Variants in EFHD2 observed in about 807,000 individuals in gnomAD.
The protein encoded by EFHD2 is EF-hand domain family member D2.
In EFHD2, 12 loss-of-function variants were observed where a neutral mutation model predicts 20.3. The observed-to-expected ratio is 0.59, with a 90% CI of 0.38 to 0.96. The LOEUF (loss-of-function observed/expected upper bound fraction) is 0.96. Among genes scored for constraint, EFHD2 ranks in the 40% least tolerant of loss-of-function variants. EFHD2 has a pLI of 0.00. For synonymous variants in EFHD2, 131 were observed against 143.9 expected (o/e 0.91, Z 0.64); for missense variants, 250 against 334.3 (o/e 0.75, Z 1.97).
rs1222266531 is a variant in EFHD2 at position 15,410,214 on chromosome 1, C to A, written c.243C>A (p.Asn81Lys). 1.2e-6 allele frequency: 2 copies of A among 1,607,110 alleles called. No homozygotes were observed. Among genetic ancestry groups the A allele is most frequent in the East Asian group, 2.3e-5 (1 of 44,062 alleles). The change falls in exon 1 of 4, where the codon AAC (asparagine) becomes AAA (lysine). Residue 81 changes from asparagine (N) to lysine (K), a missense_variant. Around this residue, in one of 3 missense-constraint regions of EFHD2, gnomAD observed 143 missense variants for 190.6 expected, o/e 0.75. Transcript: ENST00000375980. ...EPQSPSRRVF[N>K]PYTEFKEFSR... The stretch of plus-strand genomic sequence containing the variant: ...AGTCGCCCAGCCGCCGCGTCTTCAA[C>A]CCCTACACCGAGTTCAAGGAGTTCT...
At chr1:15,417,994 T>C (rs1335039887) in intron 1 of EFHD2, among the ~76,000 whole-genome samples, 1 of 141,696 alleles carries the variant, frequency 7.1e-6, no homozygotes. Flanking sequence ...TTTTTTTTTT[T>C]TTTTTTTTTT....
chr1:15,415,345 T>A (rs1466832444), intron 1 of EFHD2, among the ~76,000 whole-genome samples: 2 of 152,172 alleles, frequency 1.3e-5, no homozygotes, highest in African/African-American at 4.8e-5. Flanking sequence ...GTTCTCTTTG[T>A]AGCCAGCCCC....
At chr1:15,410,307 G>T (rs771204545) in intron 1 of EFHD2, 28 bp downstream of exon 1, 1 of 1,308,036 alleles carries the variant, frequency 7.6e-7, no homozygotes, top group Non-Finnish European at 1.0e-6. Context: ...CCGGCCCCCC[G>T]CCCGCCCCGC....
rs138950691 is a variant in EFHD2, at chr1:15,416,385, G to T, written c.308+6106G>T. Among the ~76,000 whole-genome samples the T allele has an allele frequency of 1.4e-4, 21 of 152,284 alleles. 1 individual carries two copies. The highest frequency in any genetic ancestry group is 5.1e-4 in the African/African-American group (21 of 41,568). On this transcript the variant is annotated intron_variant, in intron 1 of 3. Coordinates refer to ENST00000375980, the MANE Select transcript of EFHD2 (RefSeq NM_024329.6). ...TCAGCAGGGAAGGTCCCCACACCCT[G>T]GAGCAGCTGAGTTCCCCTGACTGCC...
chr1:15,416,394 G>T (rs1707671025), intron 1 of EFHD2, among the ~76,000 whole-genome samples: 1 of 152,210 alleles, frequency 6.6e-6, no homozygotes, highest in South Asian at 2.1e-4. Flanking sequence ...TGGAGCAGCT[G>T]AGTTCCCCTG....
chr1:15,426,661 G>A lies in EFHD2; in HGVS notation c.457-489G>A, dbSNP rs570993808. On this transcript the variant is annotated intron_variant, in intron 2 of 3. Transcript: ENST00000375980. This position sits in a 1 kb window ranked among gnomAD's most constrained non-coding sequence, Gnocchi z 4.6. ...GTGGCAGGGGCAGGTGGGGGAGTGCGAGTGGCTGGGCGGGAGGTGTGGGCA... is the reference window on the plus strand; with the variant it reads ...GTGGCAGGGGCAGGTGGGGGAGTGCAAGTGGCTGGGCGGGAGGTGTGGGCA... 1.3e-5 allele frequency among the ~76,000 whole-genome samples: 2 copies of A among 152,240 alleles called. No individual in the cohort carries two copies. The highest frequency in any genetic ancestry group is 2.4e-5 in the African/African-American group (1 of 41,532).
intron 1 of EFHD2, among the ~76,000 whole-genome samples, chr1:15,411,648 C>A (rs761255087): frequency 6.6e-6 from 1 of 152,146 alleles, no homozygotes; most frequent in Non-Finnish European, 1.5e-5. Context: ...TGGAGTGGTT[C>A]TGGAAGGGGA....
rs983992445 is a variant in EFHD2 at position 15,429,281 on chromosome 1, T to C, written c.*557T>C. The C allele has an allele frequency of 2.6e-5, 4 of 155,446 alleles. No homozygotes were observed. The highest frequency in any genetic ancestry group is 9.6e-5 in the African/African-American group (4 of 41,474). 9.6% of individuals were successfully genotyped at this position (155,446 alleles called of 1,614,324 possible). A position where few individuals can be genotyped will look rare whatever the true frequency, so the allele number is the denominator to read the frequency against. On this transcript the variant is annotated 3_prime_UTR_variant, in exon 4 of 4. Coordinates refer to ENST00000375980, the MANE Select transcript of EFHD2 (RefSeq NM_024329.6). ...CCCCAGGGCCTTTTCCTCCTCTGCGTCTTCCATCTACTGAAATGGGAGAGG... is the reference window on the plus strand; with the variant it reads ...CCCCAGGGCCTTTTCCTCCTCTGCGCCTTCCATCTACTGAAATGGGAGAGG...
rs149860156 is a variant in EFHD2, at chr1:15,425,640, C to T, written c.309-231C>T. On this transcript the variant is annotated intron_variant, in intron 1 of 3. Coordinates refer to ENST00000375980, the MANE Select transcript of EFHD2 (RefSeq NM_024329.6). Reference sequence around the variant, plus strand: ...GGCTTGTCCAAAAGTTAGCGCTATTCGACATGCAGGAGGCTGCCAGGCCCT... The same window carrying T: ...GGCTTGTCCAAAAGTTAGCGCTATTTGACATGCAGGAGGCTGCCAGGCCCT... Among the ~76,000 whole-genome samples the T allele has an allele frequency of 6.4e-4, 97 of 152,202 alleles. No homozygotes were observed. In the South Asian group the frequency reaches 0.019, roughly 29 times the overall value.
intron 1 of EFHD2, among the ~76,000 whole-genome samples, chr1:15,416,110 CCT>C (rs1707664607): frequency 6.6e-6 from 1 of 152,168 alleles, no homozygotes. Context: ...TATGCATCAG[CCT>C]CTGAGTCACC....
At position 15,426,660 on chromosome 1, in the gene EFHD2, C is replaced by T. The variant is rs370368233; in HGVS notation, c.457-490C>T. 9.2e-5 allele frequency among the ~76,000 whole-genome samples: 14 copies of T among 152,002 alleles called. No individual in the cohort carries two copies. The highest frequency in any genetic ancestry group is 1.9e-4 in the African/African-American group (8 of 41,424). On this transcript the variant is annotated intron_variant, in intron 2 of 3. Transcript: ENST00000375980. The surrounding 1 kb of genome is among the most constrained non-coding windows in gnomAD (Gnocchi z 4.6). ...GGTGGCAGGGGCAGGTGGGGGAGTG[C>T]GAGTGGCTGGGCGGGAGGTGTGGGC...
rs1016782395 is a variant in EFHD2, at chr1:15,426,651, G to T, written c.457-499G>T. ...AAGGAGAGAGGTGGCAGGGGCAGGT[G>T]GGGGAGTGCGAGTGGCTGGGCGGGA... On this transcript the variant is annotated intron_variant, in intron 2 of 3. Coordinates refer to ENST00000375980, the MANE Select transcript of EFHD2 (RefSeq NM_024329.6). This position sits in a 1 kb window ranked among gnomAD's most constrained non-coding sequence, Gnocchi z 4.6. 6.6e-6 allele frequency among the ~76,000 whole-genome samples: 1 copy of T among 152,150 alleles called. No individual in the cohort carries two copies. Among genetic ancestry groups the T allele is most frequent in the Non-Finnish European group, 1.5e-5 (1 of 68,024 alleles).
Position 15,413,933 on chromosome 1 carries a change from G to A in EFHD2, c.308+3654G>A, listed in dbSNP as rs368703025. ...TACGTCCAGCATCTCTGATCCCCCA[G>A]CTGCTCCCTCCCTCTCTTTGCTCCT... On this transcript the variant is annotated intron_variant, in intron 1 of 3. Transcript: ENST00000375980. This position sits in a 1 kb window ranked among gnomAD's most constrained non-coding sequence, Gnocchi z 4.4. Among the ~76,000 whole-genome samples the A allele has an allele frequency of 6.0e-4, 92 of 152,300 alleles. 3 individuals carry two copies. In the South Asian group the frequency reaches 0.018, roughly 30 times the overall value.
At chr1:15,416,658 A>G (rs1707676992) in intron 1 of EFHD2, among the ~76,000 whole-genome samples, 1 of 151,398 alleles carries the variant, frequency 6.6e-6, no homozygotes, top group African/African-American at 2.5e-5. Context: ...TCACATAGCC[A>G]GTGAGGGGCA....
chr1:15,415,575 G>C (rs943785247), intron 1 of EFHD2, among the ~76,000 whole-genome samples: 2 of 149,946 alleles, frequency 1.3e-5, no homozygotes, highest in Non-Finnish European at 2.9e-5. Context: ...TGCAGCCTTC[G>C]TCTCCTGGGT....
intron 1 of EFHD2, among the ~76,000 whole-genome samples, chr1:15,422,085 ATTTTTTTT>A: frequency 1.2e-5 from 1 of 86,636 alleles, no homozygotes; most frequent in Admixed American, 1.4e-4. Context: ...AGGTCATTCC[ATTTTTTTT>A]TTTTTTTTTT....
At chr1:15,421,251 C>G (rs1177706319) in intron 1 of EFHD2, among the ~76,000 whole-genome samples, 2 of 152,142 alleles carry the variant, frequency 1.3e-5, no homozygotes, top group African/African-American at 4.8e-5. Flanking sequence ...CCCTCAAGGC[C>G]ATCTTCAATC....
intron 1 of EFHD2, among the ~76,000 whole-genome samples, chr1:15,423,733 G>A (rs1221680328): frequency 6.6e-6 from 1 of 152,174 alleles, no homozygotes; most frequent in Non-Finnish European, 1.5e-5. Flanking sequence ...GAGCTGGGGA[G>A]CCCGTAAGAA....
intron 1 of EFHD2, among the ~76,000 whole-genome samples, chr1:15,420,492 C>T (rs1465173771): frequency 6.7e-6 from 1 of 148,996 alleles, no homozygotes; most frequent in Non-Finnish European, 1.5e-5. Context: ...GAGGCATACA[C>T]CACCACGCCC....
Sources: allele counts gnomAD v4.1 joint callset (sites outside exome capture counted in the v4.1 genomes callset), GRCh38; gene constraint gnomAD v4.1.1; regional missense constraint gnomAD v4.1.1; non-coding constraint Gnocchi (gnomAD v3.1); transcripts MANE v1.5; gene names NCBI Gene and HGNC (gene_info 2026-07-23, HGNC 2026-07-21).